MYO3A: variants seen among roughly 807,000 people sequenced by gnomAD.
The protein encoded by MYO3A is myosin IIIA.
In MYO3A, 180 loss-of-function variants were observed where a neutral mutation model predicts 192.7. The observed-to-expected ratio is 0.93, with a 90% CI of 0.83 to 1.06. The LOEUF (loss-of-function observed/expected upper bound fraction) is 1.06, where lower values mean the gene tolerates loss of function less well. Ranked by LOEUF, MYO3A falls within the 50% of genes least tolerant of loss-of-function variation. The pLI is 0.00. For missense variants in MYO3A, 1,896 were observed against 1,905.0 expected, an observed-to-expected ratio of 1.00 and a Z score of 0.09; for synonymous variants, 628 against 645.3, an observed-to-expected ratio of 0.97 and a Z score of 0.41.
chr10:26,021,027 C>T (rs1405728649), intron 7 of MYO3A, among the ~76,000 whole-genome samples: 5 of 152,192 alleles, frequency 3.3e-5, no homozygotes, highest in Non-Finnish European at 7.3e-5. Context: ...GTAGCCTTGC[C>T]TTCTAGTTGC....
intron 6 of MYO3A, among the ~76,000 whole-genome samples, chr10:26,002,580 T>TG (rs1412358990): frequency 0.018 from 2,763 of 151,592 alleles, 146 homozygotes; most frequent in Middle Eastern, 0.048. Context: ...GTAATCGGAA[T>TG]AAGTCAGGGT....
In MYO3A at chr10:26,016,815, T is replaced by C; in HGVS notation, c.509-5T>C. The C allele has an allele frequency of 1.2e-6, 2 of 1,614,002 alleles. No individual in the cohort carries two copies. The highest frequency in any genetic ancestry group is 1.1e-5 in the South Asian group (1 of 91,068). On this transcript the variant is annotated splice_region_variant and splice_polypyrimidine_tract_variant and intron_variant, in intron 6 of 34. Coordinates refer to ENST00000642920, the MANE Select transcript of MYO3A (RefSeq NM_017433.5). ...CAAAAAAGTACATCTTGTCTCTTCC[T>C]CTAGGTGTGTCTGCACAGCTCACCA...
At chr10:26,056,450 T>C (rs542438483) in intron 10 of MYO3A, among the ~76,000 whole-genome samples, 19 of 152,296 alleles carry the variant, frequency 1.2e-4, no homozygotes, top group Middle Eastern at 6.8e-3. Context: ...TAACGTCAAA[T>C]ACTAAACCAC....
intron 30 of MYO3A, among the ~76,000 whole-genome samples, chr10:26,176,469 C>A (rs981677078): frequency 3.3e-5 from 5 of 152,142 alleles, no homozygotes; most frequent in African/African-American, 1.2e-4. Context: ...TGTAGCATGA[C>A]GTGCTTGGCA....
chr10:25,982,630 CG>C (rs1839403745), intron 4 of MYO3A, among the ~76,000 whole-genome samples: 1 of 152,006 alleles, frequency 6.6e-6, no homozygotes, highest in South Asian at 2.1e-4. Flanking sequence ...TCTTTGCAGA[CG>C]CTCCTCAGTA....
At chr10:26,088,154 C>A (rs1352100056) in intron 14 of MYO3A, 49 bp from the exon 15 acceptor site, 2 of 1,405,600 alleles carry the variant, frequency 1.4e-6, no homozygotes, top group Non-Finnish European at 1.9e-6. Context: ...CATTATATAC[C>A]AAATTAATTT....
chr10:26,170,396 A>T lies in MYO3A; in HGVS notation c.3275-20A>T. 3 of 1,612,248 alleles carry T rather than the reference A, an allele frequency of 1.9e-6. No individual in the cohort carries two copies. The highest frequency in any genetic ancestry group is 2.5e-6 in the Non-Finnish European group (3 of 1,178,888). ...TTATTTGTTTATAATTAACACTACT[A>T]TGGGCTTTCTGTGTTTCAGCTGCAA... is the stretch of plus-strand genomic sequence containing the variant. On this transcript the variant is annotated intron_variant, in intron 28 of 34. Transcript: ENST00000642920.
intron 7 of MYO3A, 44 bp downstream of exon 7, chr10:26,016,940 G>A (rs1842018389): frequency 6.4e-7 from 1 of 1,564,718 alleles, no homozygotes; most frequent in African/African-American, 1.4e-5. Context: ...AGCTGATCCT[G>A]TTTGACTTTC....
chr10:26,196,539 G>A (rs1173689764), intron 32 of MYO3A, among the ~76,000 whole-genome samples: 8 of 152,106 alleles, frequency 5.3e-5, no homozygotes, highest in Admixed American at 4.6e-4. Context: ...CACAGAAAAG[G>A]AGTATATTAT....
In MYO3A at chr10:26,125,453, C is replaced by G. The variant is rs1564573395; in HGVS notation, c.1959C>G (p.His653Gln). The change falls in exon 19 of 35, where the codon CAC (histidine) becomes CAG (glutamine). Residue 653 changes from histidine (H) to glutamine (Q), a missense_variant. Transcript: ENST00000642920. ...AGCTACAAGAAGCTCTCACCTCCCACTGTGTGGTCACTAGAGGAGAAACAA... is the reference window on the plus strand; with the variant it reads ...AGCTACAAGAAGCTCTCACCTCCCAGTGTGTGGTCACTAGAGGAGAAACAA... Reference protein sequence around the residue: ...ADELQEALTSHCVVTRGETII... With the variant: ...ADELQEALTSQCVVTRGETII... The G allele has an allele frequency of 6.2e-7, 1 of 1,614,078 alleles. No homozygotes were observed.
chr10:26,058,042 C>G (rs1037587142), intron 10 of MYO3A, among the ~76,000 whole-genome samples: 1 of 152,164 alleles, frequency 6.6e-6, no homozygotes, highest in Admixed American at 6.5e-5. Context: ...GTTGTACATT[C>G]AATAGCTTTT....
chr10:25,967,587 A>G (rs766199165), intron 4 of MYO3A, among the ~76,000 whole-genome samples: 4 of 152,230 alleles, frequency 2.6e-5, no homozygotes, highest in Admixed American at 6.5e-5. Flanking sequence ...GTGAAGATTC[A>G]GGAATATGCA....
Position 25,955,022 on chromosome 10 carries a change from C to A in MYO3A, c.303+14C>A. ...TTGGTTCTTGAGGTAAGTGTGTCAG[C>A]ATCATTTGTATGGGTGGAAACTTAG... On this transcript the variant is annotated intron_variant, in intron 4 of 34. Transcript: ENST00000642920. 5.0e-6 allele frequency: 8 copies of A among 1,612,126 alleles called. No homozygotes were observed. Among genetic ancestry groups the A allele is most frequent in the Non-Finnish European group, 6.8e-6 (8 of 1,178,608 alleles).
At chr10:26,201,870 C>A (rs542622572) in intron 33 of MYO3A, among the ~76,000 whole-genome samples, 2 of 152,220 alleles carry the variant, frequency 1.3e-5, no homozygotes, top group African/African-American at 4.8e-5. Context: ...TCGTACCCTC[C>A]CAGTAGGTAA....
chr10:26,069,311 A>T (rs887685089), intron 12 of MYO3A, among the ~76,000 whole-genome samples: 4 of 152,096 alleles, frequency 2.6e-5, no homozygotes, highest in Non-Finnish European at 2.9e-5. Context: ...ACTGTGAGTT[A>T]AAAATTCCTT....
At chr10:26,044,981 G>A (rs1383907208) in intron 10 of MYO3A, among the ~76,000 whole-genome samples, 2 of 152,226 alleles carry the variant, frequency 1.3e-5, no homozygotes, top group South Asian at 2.1e-4. Context: ...CAGCAGCAGT[G>A]TATCCACCCA....
At chr10:26,031,509 T>G (rs1013087298) in intron 10 of MYO3A, among the ~76,000 whole-genome samples, 1 of 152,222 alleles carries the variant, frequency 6.6e-6, no homozygotes, top group Admixed American at 6.5e-5. Flanking sequence ...TGAAAGTAGG[T>G]GGTGAAAGAC....
At chr10:26,164,183 C>T (rs538523557) in intron 26 of MYO3A, among the ~76,000 whole-genome samples, 3 of 152,234 alleles carry the variant, frequency 2.0e-5, no homozygotes, top group Admixed American at 6.5e-5. Flanking sequence ...TATTTTAAAC[C>T]GTCTTTCAAC....
chr10:26,006,874 C>T (rs921515036), intron 6 of MYO3A, among the ~76,000 whole-genome samples: 4 of 151,276 alleles, frequency 2.6e-5, no homozygotes, highest in African/African-American at 9.8e-5. Flanking sequence ...CTCCCTAACT[C>T]ATTTTATGAG....
Sources: allele counts gnomAD v4.1 joint callset (sites outside exome capture counted in the v4.1 genomes callset), GRCh38; gene constraint gnomAD v4.1.1; transcripts MANE v1.5; gene names NCBI Gene and HGNC (gene_info 2026-07-23, HGNC 2026-07-21).